SLC8A1: variants seen among roughly 807,000 people sequenced by gnomAD.
The protein encoded by SLC8A1 is sodium/calcium exchanger 1.
In SLC8A1, 18 loss-of-function variants were observed where a neutral mutation model predicts 68.3. The ratio of observed to expected loss-of-function variants is 0.26; its 90% CI spans 0.18 to 0.39. The LOEUF (loss-of-function observed/expected upper bound fraction) is 0.39. Among genes scored for constraint, SLC8A1 ranks in the 10% least tolerant of loss-of-function variants. SLC8A1 has a pLI of 1.00. For synonymous variants in SLC8A1, 475 were observed against 415.5 expected (o/e 1.14, Z -1.74); for missense variants, 985 against 1,156.7 (o/e 0.85, Z 2.15).
intron 2 of SLC8A1, among the ~76,000 whole-genome samples, chr2:40,275,305 C>G (rs939092717): frequency 1.3e-5 from 2 of 152,214 alleles, no homozygotes; most frequent in African/African-American, 4.8e-5. Flanking sequence ...TTGTTATTAT[C>G]TGACCAAAGG....
chr2:40,189,439 A>G (rs773529986), intron 2 of SLC8A1, among the ~76,000 whole-genome samples: 11 of 151,950 alleles, frequency 7.2e-5, no homozygotes, highest in Non-Finnish European at 1.5e-4. Flanking sequence ...TCCTGCCTCA[A>G]CCTCCTGAGT....
chr2:40,266,693 C>G (rs1022915534), intron 2 of SLC8A1, among the ~76,000 whole-genome samples: 1 of 152,184 alleles, frequency 6.6e-6, no homozygotes, highest in Non-Finnish European at 1.5e-5. Flanking sequence ...TGTACCTCAT[C>G]CTTCTCCATG....
chr2:40,427,545 A>G (rs999718557), intron 2 of SLC8A1, among the ~76,000 whole-genome samples: 1 of 151,836 alleles, frequency 6.6e-6, no homozygotes, highest in Non-Finnish European at 1.5e-5. Context: ...CATAGAGTCA[A>G]ATTTTCTGGT....
chr2:40,506,105 T>C (rs1706349534), intron 1 of SLC8A1, among the ~76,000 whole-genome samples: 1 of 16,252 alleles, frequency 6.2e-5, no homozygotes, highest in Admixed American at 4.2e-4. Context: ...TCATAGATCC[T>C]TTTTTTTTTT....
At chr2:40,447,546 C>T (rs966130230) in intron 1 of SLC8A1, among the ~76,000 whole-genome samples, 1 of 150,346 alleles carries the variant, frequency 6.7e-6, no homozygotes, top group African/African-American at 2.5e-5. Context: ...TCCAGGCCCC[C>T]AGGACTTTGT....
intron 2 of SLC8A1, among the ~76,000 whole-genome samples, chr2:40,390,228 C>G (rs1684854901): frequency 6.6e-6 from 1 of 152,112 alleles, no homozygotes; most frequent in South Asian, 2.1e-4. Context: ...TTCCCGTACT[C>G]TTCACCGACA....
chr2:40,259,422 C>A (rs1243349264), intron 2 of SLC8A1, among the ~76,000 whole-genome samples: 3 of 152,188 alleles, frequency 2.0e-5, no homozygotes, highest in Non-Finnish European at 2.9e-5. Context: ...AATCCCATTT[C>A]TTTCTATCCC....
At chr2:40,511,652 C>T (rs930292895) in intron 1 of SLC8A1, among the ~76,000 whole-genome samples, 7 of 151,994 alleles carry the variant, frequency 4.6e-5, no homozygotes, top group African/African-American at 1.2e-4. Flanking sequence ...TCTTTGGAAA[C>T]ATTTCCTCTC....
intron 1 of SLC8A1, among the ~76,000 whole-genome samples, chr2:40,477,926 A>T (rs1006729974): frequency 6.6e-6 from 1 of 152,184 alleles, no homozygotes; most frequent in Admixed American, 6.5e-5. Flanking sequence ...AGCTCAGGGA[A>T]TAACCAGATG....
chr2:40,361,093 A>AG (rs1324635143), intron 2 of SLC8A1, among the ~76,000 whole-genome samples: 2 of 152,156 alleles, frequency 1.3e-5, no homozygotes, highest in African/African-American at 4.8e-5. Context: ...AGGTGAAGAA[A>AG]GGGACTTAGT....
intron 2 of SLC8A1, among the ~76,000 whole-genome samples, chr2:40,351,244 C>T (rs975975811): frequency 6.6e-6 from 1 of 152,098 alleles, no homozygotes; most frequent in Non-Finnish European, 1.5e-5. Context: ...GACATCTAAA[C>T]TCTCACTGAA....
At chr2:40,227,861 G>C (rs1280505603) in intron 2 of SLC8A1, among the ~76,000 whole-genome samples, 1 of 152,028 alleles carries the variant, frequency 6.6e-6, no homozygotes, top group Non-Finnish European at 1.5e-5. Flanking sequence ...TTTAGATTCA[G>C]TTTGTTCCTG....
chr2:40,284,116 A>G (rs1329755961), intron 2 of SLC8A1, among the ~76,000 whole-genome samples: 1 of 151,990 alleles, frequency 6.6e-6, no homozygotes, highest in Non-Finnish European at 1.5e-5. Flanking sequence ...CTTGCACACG[A>G]ATTACATTGT....
chr2:40,222,757 A>G (rs948268600), intron 2 of SLC8A1, among the ~76,000 whole-genome samples: 6 of 152,240 alleles, frequency 3.9e-5, no homozygotes, highest in Admixed American at 3.3e-4. Flanking sequence ...GCCAATAAAC[A>G]TATGAAAAAA....
At chr2:40,160,256 T>C (rs1007681591) in intron 6 of SLC8A1, among the ~76,000 whole-genome samples, 1 of 152,212 alleles carries the variant, frequency 6.6e-6, no homozygotes, top group Non-Finnish European at 1.5e-5. Context: ...GTACTTTGCT[T>C]GTGCAAGAAG....
chr2:40,224,916 A>C (rs992620825), intron 2 of SLC8A1, among the ~76,000 whole-genome samples: 1 of 152,172 alleles, frequency 6.6e-6, no homozygotes, highest in Non-Finnish European at 1.5e-5. Context: ...AGATGTGCTT[A>C]ATTTTTACAA....
intron 7 of SLC8A1, among the ~76,000 whole-genome samples, chr2:40,136,840 T>C (rs2040587080): frequency 6.6e-6 from 1 of 152,184 alleles, no homozygotes; most frequent in Non-Finnish European, 1.5e-5. Context: ...AAAAATGTCT[T>C]TATATAGATA....
intron 2 of SLC8A1, among the ~76,000 whole-genome samples, chr2:40,214,801 C>T (rs934939913): frequency 2.0e-5 from 3 of 151,972 alleles, no homozygotes; most frequent in Non-Finnish European, 2.9e-5. Flanking sequence ...ATTTCCAGGC[C>T]AACATTCAGA....
chr2:40,132,784 A>C (rs1171290115), intron 7 of SLC8A1, among the ~76,000 whole-genome samples: 1 of 152,202 alleles, frequency 6.6e-6, no homozygotes, highest in Non-Finnish European at 1.5e-5. Context: ...GAAAGGAGGC[A>C]AAATCAGTTC....
Sources: gnomAD v4.1 joint callset for allele counts (sites outside exome capture counted in the v4.1 genomes callset) on GRCh38, gnomAD v4.1.1 for gene constraint, MANE v1.5 for transcripts, NCBI Gene and HGNC (gene_info 2026-07-23, HGNC 2026-07-21) for gene names.